LRBA: variants seen among roughly 807,000 people sequenced by gnomAD.
LRBA encodes lipopolysaccharide-responsive and beige-like anchor protein.
LRBA carries 176 observed loss-of-function variants against 330.0 expected under a neutral mutation model. That is an observed-to-expected ratio of 0.53 (90% CI 0.47 to 0.60). The LOEUF (loss-of-function observed/expected upper bound fraction) is 0.60, where lower values mean the gene tolerates loss of function less well. LRBA is among the 20% of genes least tolerant of loss of function. The probability of loss-of-function intolerance (pLI) is 0.00; values close to 1 mark genes in which losing one functional copy is unlikely to be tolerated. For synonymous variants in LRBA, 1,230 were observed against 1,193.0 expected (o/e 1.03, Z -0.64); for missense variants, 3,259 against 3,444.8 (o/e 0.95, Z 1.35).
At chr4:150,921,352 C>T (rs1362484915) in intron 4 of LRBA, 59 bp from the exon 5 acceptor site, 4 of 976,338 alleles carry the variant, frequency 4.1e-6, no homozygotes, top group Non-Finnish European at 6.6e-6. Flanking sequence ...AAAAAAAACA[C>T]ATCTTTAATA....
chr4:150,847,055 A>G (rs974963825), intron 26 of LRBA, among the ~76,000 whole-genome samples: 2 of 152,162 alleles, frequency 1.3e-5, no homozygotes, highest in Admixed American at 6.5e-5. Flanking sequence ...TAAATATTTT[A>G]ATTATAATAC....
chr4:150,506,149 C>T (rs1276893956), intron 40 of LRBA, among the ~76,000 whole-genome samples: 2 of 152,134 alleles, frequency 1.3e-5, no homozygotes, highest in African/African-American at 2.4e-5. Context: ...ACCAGAGGTG[C>T]AAGGAGGAGC....
intron 36 of LRBA, among the ~76,000 whole-genome samples, chr4:150,727,819 C>G (rs1729906360): frequency 1.3e-5 from 2 of 151,676 alleles, no homozygotes; most frequent in African/African-American, 4.8e-5. Flanking sequence ...AGAAAAGTAA[C>G]AGTAAACTGA....
chr4:150,527,180 C>T (rs1763571160), intron 40 of LRBA, among the ~76,000 whole-genome samples: 1 of 152,114 alleles, frequency 6.6e-6, no homozygotes. Context: ...GAAATCTGCT[C>T]AGTGATTTCC....
At chr4:150,393,951 T>G (rs1348190003) in intron 47 of LRBA, among the ~76,000 whole-genome samples, 1 of 152,126 alleles carries the variant, frequency 6.6e-6, no homozygotes. Flanking sequence ...TTCACAAGAG[T>G]AATAAGTAAC....
intron 56 of LRBA, among the ~76,000 whole-genome samples, chr4:150,274,006 A>G (rs180926996): frequency 1.3e-3 from 203 of 152,364 alleles, no homozygotes; most frequent in African/African-American, 4.8e-3. Context: ...CAGAATATTC[A>G]TTCTTCTCAG....
At chr4:150,372,656 T>TA (rs1740545504) in intron 47 of LRBA, among the ~76,000 whole-genome samples, 1 of 149,144 alleles carries the variant, frequency 6.7e-6, no homozygotes, top group East Asian at 1.9e-4. Context: ...GGGCAATACT[T>TA]AACTTCTTAA....
At chr4:150,845,373 T>C (rs950390465) in intron 26 of LRBA, among the ~76,000 whole-genome samples, 2 of 152,118 alleles carry the variant, frequency 1.3e-5, no homozygotes, top group African/African-American at 2.4e-5. Flanking sequence ...GCTTAGAAAA[T>C]GGGAGACAGG....
intron 34 of LRBA, among the ~76,000 whole-genome samples, chr4:150,796,401 CT>C (rs1740796337): frequency 6.6e-6 from 1 of 152,066 alleles, no homozygotes; most frequent in Non-Finnish European, 1.5e-5. Flanking sequence ...ATTTTTCACA[CT>C]GTGCTACATC....
chr4:151,000,685 C>G (rs1743228204), intron 2 of LRBA, among the ~76,000 whole-genome samples: 1 of 152,186 alleles, frequency 6.6e-6, no homozygotes, highest in Non-Finnish European at 1.5e-5. Flanking sequence ...AAGAGCTGCA[C>G]ACAATTTAAA....
At chr4:150,544,607 C>T (rs1029081108) in intron 40 of LRBA, among the ~76,000 whole-genome samples, 1 of 152,114 alleles carries the variant, frequency 6.6e-6, no homozygotes, top group Non-Finnish European at 1.5e-5. Flanking sequence ...TTCCTTGCCA[C>T]AGCAATTTCT....
intron 37 of LRBA, among the ~76,000 whole-genome samples, chr4:150,604,404 C>A (rs76822210): frequency 2.9e-4 from 42 of 146,718 alleles, no homozygotes; most frequent in South Asian, 6.5e-4. Context: ...AGACTATCTC[C>A]AAAAAAAAAA....
intron 37 of LRBA, among the ~76,000 whole-genome samples, chr4:150,604,177 G>C (rs1774392401): frequency 6.6e-6 from 1 of 152,070 alleles, no homozygotes; most frequent in Admixed American, 6.6e-5. Flanking sequence ...GGGAGGCTAA[G>C]GAAGGAAAAC....
At chr4:150,489,972 G>C (rs1453965174) in intron 41 of LRBA, among the ~76,000 whole-genome samples, 1 of 150,898 alleles carries the variant, frequency 6.6e-6, no homozygotes, top group African/African-American at 2.4e-5. Flanking sequence ...GAAAATGAAT[G>C]AGGATGAGCA....
intron 47 of LRBA, among the ~76,000 whole-genome samples, chr4:150,410,747 T>C (rs1302604800): frequency 1.3e-5 from 2 of 152,196 alleles, no homozygotes; most frequent in Non-Finnish European, 2.9e-5. Context: ...GTTAAATGAA[T>C]GAACTATTAT....
intron 4 of LRBA, among the ~76,000 whole-genome samples, chr4:150,926,891 T>G (rs1486906842): frequency 6.7e-6 from 1 of 149,608 alleles, no homozygotes; most frequent in Non-Finnish European, 1.5e-5. Flanking sequence ...ACCAACACTG[T>G]GAAACCCTGT....
chr4:150,495,232 T>G (rs947524533), intron 40 of LRBA, among the ~76,000 whole-genome samples: 1 of 152,196 alleles, frequency 6.6e-6, no homozygotes, highest in African/African-American at 2.4e-5. Flanking sequence ...TGTAAGTTTT[T>G]ATATTATTAG....
At chr4:150,601,492 GA>G (rs1774103583) in intron 37 of LRBA, among the ~76,000 whole-genome samples, 1 of 151,874 alleles carries the variant, frequency 6.6e-6, no homozygotes, top group African/African-American at 2.4e-5. Context: ...CCAAAATTAG[GA>G]GGAAATAAAA....
intron 46 of LRBA, among the ~76,000 whole-genome samples, chr4:150,434,458 G>A (rs1233373713): frequency 1.3e-5 from 2 of 152,082 alleles, no homozygotes; most frequent in African/African-American, 4.8e-5. Context: ...CCAGCAGCAG[G>A]CAAAACACAA....
Sources: allele counts gnomAD v4.1 joint callset (sites outside exome capture counted in the v4.1 genomes callset), GRCh38; gene constraint gnomAD v4.1.1; transcripts MANE v1.5; gene names NCBI Gene and HGNC (gene_info 2026-07-23, HGNC 2026-07-21).